PRR5L: variants seen among roughly 807,000 people sequenced by gnomAD.
PRR5L encodes the protein proline rich 5 like, also known as proline-rich protein 5-like.
Under a neutral mutation model 36.4 loss-of-function variants are expected in PRR5L, and 21 were observed. The ratio of observed to expected loss-of-function variants is 0.58; its 90% CI spans 0.41 to 0.83. The LOEUF is 0.83. PRR5L is among the 40% of genes least tolerant of loss of function. The pLI is 0.00. For synonymous variants in PRR5L, 188 were observed against 197.0 expected, an observed-to-expected ratio of 0.95 and a Z score of 0.38; for missense variants, 381 against 473.3, an observed-to-expected ratio of 0.80 and a Z score of 1.81.
rs1193638631 is a variant in PRR5L, at chr11:36,464,422, A to AATT, written c.*1687_*1689dup. 6.6e-6 allele frequency: 1 copy of AATT among 152,166 alleles called. No individual in the cohort carries two copies. Among genetic ancestry groups the AATT allele is most frequent in the Non-Finnish European group, 1.5e-5 (1 of 68,024 alleles). The allele number at this position is 152,166 out of a possible 1,614,324, so 9.4% of individuals were successfully genotyped here. On this transcript the variant is annotated 3_prime_UTR_variant, in exon 9 of 9. Coordinates refer to ENST00000530639, the MANE Select transcript of PRR5L (RefSeq NM_001160167.2). ...TAGAATTGTGCTCTTGATGGCTGGG[A>AATT]ATTTAGAAATTTTATTTTAAGAGTT...
At chr11:36,326,260 A>G (rs1169717743) in intron 1 of PRR5L, among the ~76,000 whole-genome samples, 3 of 151,620 alleles carry the variant, frequency 2.0e-5, no homozygotes, top group Non-Finnish European at 4.4e-5. Context: ...CAAATGTTAT[A>G]ACTTTTTATC....
At chr11:36,427,059 C>T (rs938131488) in intron 4 of PRR5L, among the ~76,000 whole-genome samples, 4 of 152,106 alleles carry the variant, frequency 2.6e-5, no homozygotes, top group African/African-American at 9.7e-5. Flanking sequence ...TGTGATGACC[C>T]GGGAGGAGCT....
chr11:36,378,292 C>T (rs1319397308), intron 1 of PRR5L, among the ~76,000 whole-genome samples: 1 of 152,160 alleles, frequency 6.6e-6, no homozygotes, highest in Non-Finnish European at 1.5e-5. Flanking sequence ...GTGCAGGGCT[C>T]CTGTCTGTGG....
In PRR5L at chr11:36,351,248, T is replaced by A. The variant is rs1288429739; in HGVS notation, c.-125-49749T>A. Among the ~76,000 whole-genome samples the A allele has an allele frequency of 4.1e-3, 300 of 73,228 alleles. 10 individuals carry two copies. The highest frequency in any genetic ancestry group is 0.013 in the African/African-American group (224 of 17,058). 48.0% of individuals were successfully genotyped at this position (73,228 alleles called of 152,430 possible). A position where few individuals can be genotyped will look rare whatever the true frequency, so the allele number is the denominator to read the frequency against. ...TATATTTATATATATTTATATATAT[T>A]TTTATATATGTATATTTATATATTT... On this transcript the variant is annotated intron_variant, in intron 1 of 8. Coordinates refer to ENST00000530639, the MANE Select transcript of PRR5L (RefSeq NM_001160167.2).
chr11:36,413,210 G>A (rs1024097196), intron 3 of PRR5L, among the ~76,000 whole-genome samples: 1 of 152,208 alleles, frequency 6.6e-6, no homozygotes, highest in African/African-American at 2.4e-5. Flanking sequence ...CACTGCTGGG[G>A]ACTCCTGGCC....
At chr11:36,389,319 C>T (rs1857518976) in intron 1 of PRR5L, among the ~76,000 whole-genome samples, 1 of 152,198 alleles carries the variant, frequency 6.6e-6, no homozygotes, top group Non-Finnish European at 1.5e-5. Context: ...CCACCCATCA[C>T]CTTGCAAAGC....
At chr11:36,419,332 A>T (rs201917636) in intron 4 of PRR5L, 29 bp downstream of exon 4, 1 of 1,596,812 alleles carries the variant, frequency 6.3e-7, no homozygotes, top group East Asian at 2.2e-5. Flanking sequence ...AGCATCCATC[A>T]TTATCATGCA....
chr11:36,462,887 AC>A lies in PRR5L; in HGVS notation c.*153del. On this transcript the variant is annotated 3_prime_UTR_variant, in exon 9 of 9. Coordinates refer to ENST00000530639, the MANE Select transcript of PRR5L (RefSeq NM_001160167.2). ...CCTGGTCAAAATGACCTAAGGGGAA[AC>A]CGTTGTTGTAAACCTCTTTATTTTG... 1.4e-6 allele frequency: 1 copy of A among 691,428 alleles called. No individual in the cohort carries two copies. Among genetic ancestry groups the A allele is most frequent in the East Asian group, 3.1e-5 (1 of 31,776 alleles). The allele number at this position is 691,428 out of a possible 1,614,324, so 42.8% of individuals were successfully genotyped here.
chr11:36,314,936 A>G (rs1462564650), intron 1 of PRR5L, among the ~76,000 whole-genome samples: 1 of 152,214 alleles, frequency 6.6e-6, no homozygotes, highest in Non-Finnish European at 1.5e-5. Context: ...AAGAAGTGAA[A>G]TCATGATTGC....
intron 1 of PRR5L, among the ~76,000 whole-genome samples, chr11:36,311,823 G>A (rs1399501337): frequency 1.3e-5 from 2 of 152,156 alleles, no homozygotes; most frequent in African/African-American, 2.4e-5. Flanking sequence ...TATTTAAGGA[G>A]TTCAAAGTAT....
intron 3 of PRR5L, among the ~76,000 whole-genome samples, chr11:36,407,141 C>T (rs755533308): frequency 4.0e-5 from 6 of 151,888 alleles, no homozygotes; most frequent in Non-Finnish European, 8.8e-5. Context: ...TGGGTGAGTA[C>T]GAGGCATGAG....
At chr11:36,313,504 T>C (rs1188097813) in intron 1 of PRR5L, among the ~76,000 whole-genome samples, 1 of 152,212 alleles carries the variant, frequency 6.6e-6, no homozygotes, top group Admixed American at 6.5e-5. Context: ...CTTTGCTTTG[T>C]TGGGTAGCCA....
chr11:36,453,750 GT>G (rs1202073112), intron 8 of PRR5L, among the ~76,000 whole-genome samples: 7 of 152,144 alleles, frequency 4.6e-5, no homozygotes, highest in African/African-American at 1.4e-4. Context: ...GGGGCCACGG[GT>G]CCCAGGGCAC....
chr11:36,324,995 C>T (rs372666222), intron 1 of PRR5L, among the ~76,000 whole-genome samples: 3 of 152,158 alleles, frequency 2.0e-5, no homozygotes, highest in Non-Finnish European at 4.4e-5. Flanking sequence ...GGGGTCCTTG[C>T]TCCCAGAGCT....
intron 1 of PRR5L, among the ~76,000 whole-genome samples, chr11:36,316,639 T>C (rs964006460): frequency 2.6e-5 from 4 of 152,136 alleles, no homozygotes; most frequent in African/African-American, 9.7e-5. Context: ...TGTCAGCTGA[T>C]CCATCCAGTG....
intron 1 of PRR5L, among the ~76,000 whole-genome samples, chr11:36,326,326 C>CAT (rs59397133): frequency 7.1e-6 from 1 of 141,496 alleles, no homozygotes; most frequent in African/African-American, 3.2e-5. Flanking sequence ...CACACACACA[C>CAT]ACACACACAC....
chr11:36,394,734 G>A (rs139752305), intron 1 of PRR5L, among the ~76,000 whole-genome samples: 10 of 152,242 alleles, frequency 6.6e-5, no homozygotes, highest in Non-Finnish European at 1.0e-4. Flanking sequence ...ATGTGATTGC[G>A]TTTATGGCCC....
At chr11:36,316,577 G>C (rs532338864) in intron 1 of PRR5L, among the ~76,000 whole-genome samples, 2 of 152,216 alleles carry the variant, frequency 1.3e-5, no homozygotes, top group South Asian at 2.1e-4. Flanking sequence ...GCTGTCTTCT[G>C]TTCCTGGGTC....
intron 5 of PRR5L, among the ~76,000 whole-genome samples, chr11:36,435,107 C>A (rs1277851095): frequency 6.6e-6 from 1 of 152,016 alleles, no homozygotes; most frequent in African/African-American, 2.4e-5. Flanking sequence ...ACCTTTTGCC[C>A]TTTGGGGTAA....
Sources: allele counts gnomAD v4.1 joint callset (sites outside exome capture counted in the v4.1 genomes callset), GRCh38; gene constraint gnomAD v4.1.1; transcripts MANE v1.5; gene names NCBI Gene and HGNC (gene_info 2026-07-23, HGNC 2026-07-21).